NRAP: variants seen among roughly 807,000 people sequenced by gnomAD.
The protein encoded by NRAP is nebulin-related-anchoring protein.
In NRAP, 189 loss-of-function variants were observed where a neutral mutation model predicts 225.9. The observed-to-expected ratio is 0.84, with a 90% CI of 0.74 to 0.94. The LOEUF is 0.94. NRAP is among the 40% of genes least tolerant of loss of function. The probability of loss-of-function intolerance (pLI) is 0.00; values close to 1 mark genes in which losing one functional copy is unlikely to be tolerated. For synonymous variants in NRAP, 769 were observed against 790.7 expected, an observed-to-expected ratio of 0.97 and a Z score of 0.46; for missense variants, 2,176 against 2,168.7, an observed-to-expected ratio of 1.00 and a Z score of -0.07.
In NRAP at chr10:113,590,606, G is replaced by A; in HGVS notation, c.4928C>T (p.Ala1643Val). ...ACTCTGCAGCTGGTGGGCCTTCTGAGCATGCCTGAGGCCCAGCTGCTCCGG... is the reference window on the plus strand; with the variant it reads ...ACTCTGCAGCTGGTGGGCCTTCTGAACATGCCTGAGGCCCAGCTGCTCCGG... ...CDPEQLGLRHAQKAHQLQSDV... is the reference protein window; with the variant it reads ...CDPEQLGLRHVQKAHQLQSDV... The change falls in exon 40 of 42, where the codon GCT becomes GTT. Residue 1643 changes from alanine (A) to valine (V), a missense_variant. Ala to Val is a moderately conservative substitution (Grantham distance 64, BLOSUM62 0). This residue lies in a region of NRAP where 445 missense variants were observed against 426.1 expected (regional missense o/e 1.04). Transcript: ENST00000359988. 6.2e-7 allele frequency: 1 copy of A among 1,612,888 alleles called. No individual in the cohort carries two copies. Among genetic ancestry groups the A allele is most frequent in the East Asian group, 2.2e-5 (1 of 44,880 alleles).
At chr10:113,644,649 A>G (rs1000292473) in intron 11 of NRAP, among the ~76,000 whole-genome samples, 2 of 152,214 alleles carry the variant, frequency 1.3e-5, no homozygotes, top group Admixed American at 1.3e-4. Context: ...ACAGTCATCT[A>G]CCACTTCAAA....
Position 113,588,725 on chromosome 10 carries a change from C to CACCA in NRAP, c.*246_*249dup, listed in dbSNP as rs1845730195. The CACCA allele has an allele frequency of 1.8e-6, 1 of 551,300 alleles. No homozygotes were observed. The highest frequency in any genetic ancestry group is 3.4e-5 in the Admixed American group (1 of 29,564). 34.2% of individuals were successfully genotyped at this position (551,300 alleles called of 1,614,324 possible). On this transcript the variant is annotated 3_prime_UTR_variant, in exon 42 of 42. Transcript: ENST00000359988. Reference sequence around the variant, plus strand: ...CAGAATCCCCAGCATCAGCGGGAACCACCATCACATCTTTATTCCTCAGCC... The same window carrying CACCA: ...CAGAATCCCCAGCATCAGCGGGAACCACCAACCATCACATCTTTATTCCTCAGCC...
At chr10:113,662,858 T>A in intron 2 of NRAP, 92 bp from the exon 3 acceptor site, 1 of 586,472 alleles carries the variant, frequency 1.7e-6, no homozygotes, top group East Asian at 3.3e-5. Flanking sequence ...ATAATAACAG[T>A]TATTTTTAAA....
chr10:113,636,321 C>A (rs1848866338), intron 14 of NRAP, among the ~76,000 whole-genome samples: 1 of 152,238 alleles, frequency 6.6e-6, no homozygotes, highest in East Asian at 1.9e-4. Context: ...TTGTACTGTT[C>A]TATCATTTCC....
chr10:113,629,551 G>A (rs775060919), intron 19 of NRAP, 37 bp downstream of exon 19: 3 of 1,405,204 alleles, frequency 2.1e-6, no homozygotes, highest in South Asian at 1.2e-5. Flanking sequence ...CCAACTGCAA[G>A]AGATGCATGA....
At chr10:113,626,685 G>T (rs190846325) in intron 20 of NRAP, among the ~76,000 whole-genome samples, 140 of 152,292 alleles carry the variant, frequency 9.2e-4, no homozygotes, top group African/African-American at 3.1e-3. Context: ...CATAGCCATT[G>T]TCATGGTGTT....
chr10:113,663,944 C>A lies in NRAP; in HGVS notation c.-62G>T. ...AGGCAAGAAATGCAAGGAGAACCCC[C>A]AGTCTAGTTCAAGTCTTCAAAATCC... On this transcript the variant is annotated 5_prime_UTR_variant, in exon 1 of 42. Coordinates refer to ENST00000359988, the MANE Select transcript of NRAP (RefSeq NM_198060.4). 1.6e-6 allele frequency: 2 copies of A among 1,246,586 alleles called. No individual in the cohort carries two copies. The highest frequency in any genetic ancestry group is 1.2e-6 in the Non-Finnish European group (1 of 846,868). The allele number at this position is 1,246,586 out of a possible 1,614,324, so 77.2% of individuals were successfully genotyped here. A position where few individuals can be genotyped will look rare whatever the true frequency, so the allele number is the denominator to read the frequency against.
At chr10:113,637,049 T>C (rs1030291849) in intron 14 of NRAP, among the ~76,000 whole-genome samples, 9 of 146,208 alleles carry the variant, frequency 6.2e-5, no homozygotes, top group Non-Finnish European at 1.4e-4. Context: ...CCAAGAGAAA[T>C]AGGTCTAATA....
intron 14 of NRAP, among the ~76,000 whole-genome samples, chr10:113,638,784 A>G (rs1032268563): frequency 1.3e-5 from 2 of 152,210 alleles, no homozygotes; most frequent in African/African-American, 4.8e-5. Context: ...TAGCCAAACA[A>G]AGCACTTCCG....
At chr10:113,648,295 C>T (rs1362681442) in intron 9 of NRAP, among the ~76,000 whole-genome samples, 2 of 152,074 alleles carry the variant, frequency 1.3e-5, no homozygotes, top group South Asian at 2.1e-4. Flanking sequence ...TCCTTTTTGC[C>T]TGGCTGACAG....
At chr10:113,627,009 G>A (rs940282585) in intron 20 of NRAP, among the ~76,000 whole-genome samples, 3 of 152,196 alleles carry the variant, frequency 2.0e-5, no homozygotes, top group African/African-American at 7.2e-5. Flanking sequence ...ACATGGCAGG[G>A]AGATCAGAGA....
intron 25 of NRAP, among the ~76,000 whole-genome samples, chr10:113,620,314 T>C (rs1847911601): frequency 6.6e-6 from 1 of 152,224 alleles, no homozygotes; most frequent in Non-Finnish European, 1.5e-5. Flanking sequence ...TCATCTCTCC[T>C]GTGTTGCTTC....
At chr10:113,621,813 G>GCA in intron 24 of NRAP, 56 bp downstream of exon 24, 1 of 1,497,800 alleles carries the variant, frequency 6.7e-7, no homozygotes, top group Non-Finnish European at 9.1e-7. Context: ...ACTTGCACTA[G>GCA]CACACACACA....
At chr10:113,610,723 C>A (rs1403914524) in intron 30 of NRAP, among the ~76,000 whole-genome samples, 160 bp from the exon 31 acceptor site, 1 of 152,228 alleles carries the variant, frequency 6.6e-6, no homozygotes, top group Non-Finnish European at 1.5e-5. Context: ...AGCCAACGCA[C>A]AAACACTTCT....
Position 113,663,981 on chromosome 10 carries a change from A to T in NRAP, c.-99T>A. On this transcript the variant is annotated 5_prime_UTR_variant, in exon 1 of 42. Coordinates refer to ENST00000359988, the MANE Select transcript of NRAP (RefSeq NM_198060.4). Reference sequence around the variant, plus strand: ...AGTCTTCAAAATCCGACGACCATAAAATTCCTGTGGGCACCTCGATCTTTC... The same window carrying T: ...AGTCTTCAAAATCCGACGACCATAATATTCCTGTGGGCACCTCGATCTTTC... The T allele has an allele frequency of 2.2e-6, 2 of 896,206 alleles. No individual in the cohort carries two copies. Among genetic ancestry groups the T allele is most frequent in the Non-Finnish European group, 3.7e-6 (2 of 542,072 alleles). 55.5% of individuals were successfully genotyped at this position (896,206 alleles called of 1,614,324 possible). A position where few individuals can be genotyped will look rare whatever the true frequency, so the allele number is the denominator to read the frequency against.
At chr10:113,591,072 C>G (rs1476064423) in intron 39 of NRAP, among the ~76,000 whole-genome samples, 183 bp from the exon 40 acceptor site, 2 of 152,148 alleles carry the variant, frequency 1.3e-5, no homozygotes, top group African/African-American at 2.4e-5. Flanking sequence ...TCTCCATGAG[C>G]CTCAGTTTCC....
chr10:113,598,069 C>A lies in NRAP; in HGVS notation c.4232G>T (p.Arg1411Leu). 1 of 1,610,236 alleles carries A rather than the reference C, an allele frequency of 6.2e-7. No homozygotes were observed. Among genetic ancestry groups the A allele is most frequent in the Admixed American group, 1.7e-5 (1 of 59,954 alleles). ...CATGCCGATCAGGTCTGACTTGTAG[C>A]GCAACTGCAGGGAAAAAAATCATGG... is the stretch of plus-strand genomic sequence containing the variant. ...KKAHALQSEL[R>L]YKSDLIGMKG... is the part of the protein sequence containing the mutation. Residue 1411 changes from arginine to leucine, a missense_variant, in exon 36 of 42, where the codon CGC (arginine) becomes CTC (leucine). Transcript: ENST00000359988.
In NRAP at chr10:113,614,847, T is replaced by G; in HGVS notation, c.3178A>C (p.Ile1060Leu). 6.3e-7 allele frequency: 1 copy of G among 1,591,030 alleles called. No homozygotes were observed. Among genetic ancestry groups the G allele is most frequent in the East Asian group, 2.2e-5 (1 of 44,776 alleles). Residue 1060 changes from isoleucine (I) to leucine (L), a missense_variant, in exon 28 of 42, where the codon ATA becomes CTA. By Grantham distance (5) the Ile-to-Leu change is conservative (BLOSUM62 2). Around this residue, in one of 3 missense-constraint regions of NRAP, gnomAD observed 1,708 missense variants for 1,695.5 expected, o/e 1.01. Coordinates refer to ENST00000359988, the MANE Select transcript of NRAP (RefSeq NM_198060.4). ...FQAAKASGEI[I>L]SDYKYKEAFE... ...TGGGGGTGAATGCTCACATCACTTA[T>G]GATTTCACCAGAAGCCTTTGCTGCT...
chr10:113,608,080 T>A (rs1847103467), intron 32 of NRAP, among the ~76,000 whole-genome samples: 1 of 152,226 alleles, frequency 6.6e-6, no homozygotes. Context: ...ACTTCTCAGA[T>A]CTTCATGTGC....
Sources: gnomAD v4.1 joint callset for allele counts (sites outside exome capture counted in the v4.1 genomes callset) on GRCh38, gnomAD v4.1.1 for gene constraint, gnomAD v4.1.1 regional missense constraint, MANE v1.5 for transcripts, NCBI Gene and HGNC (gene_info 2026-07-23, HGNC 2026-07-21) for gene names.